Variants in TTN observed in about 807,000 individuals in gnomAD.
TTN encodes titin.
In TTN, 1,525 loss-of-function variants were observed where a neutral mutation model predicts 3,223.0. The observed-to-expected ratio is 0.47, with a 90% CI of 0.45 to 0.49. The LOEUF (loss-of-function observed/expected upper bound fraction) is 0.49, where lower values mean the gene tolerates loss of function less well. Ranked by LOEUF, TTN falls within the 20% of genes least tolerant of loss-of-function variation. TTN has a pLI of 0.00. For missense variants in TTN, 40,786 were observed against 43,424.0 expected, an observed-to-expected ratio of 0.94 and a Z score of 5.40; for synonymous variants, 14,094 against 15,161.0, an observed-to-expected ratio of 0.93 and a Z score of 5.17.
At position 178,588,657 on chromosome 2, in the gene TTN, A is replaced by T. The variant is rs754385637; in HGVS notation, c.63068T>A (p.Met21023Lys). The T allele has an allele frequency of 7.4e-6, 12 of 1,611,520 alleles. No homozygotes were observed. In the South Asian group the frequency reaches 1.1e-4, roughly 15 times the overall value. The change falls in exon 304 of 363, where the codon ATG becomes AAG. Residue 21023 changes from methionine (M) to lysine (K), a missense_variant. Physicochemically the swap from Met to Lys is moderately conservative, Grantham distance 95. Coordinates refer to ENST00000589042, the MANE Select transcript of TTN (RefSeq NM_001267550.2). Reference protein sequence around the residue: ...VNKSAIPERRMKVQNLLPDHE... With the variant: ...VNKSAIPERRKKVQNLLPDHE... ...GTCTGGGAGGAGATTCTGTACTTTCATACGTCTCTCAGGGATTGCACTCTT... is the reference window on the plus strand; with the variant it reads ...GTCTGGGAGGAGATTCTGTACTTTCTTACGTCTCTCAGGGATTGCACTCTT...
chr2:178,542,521 A>G lies in TTN; in HGVS notation c.97235T>C (p.Ile32412Thr), dbSNP rs761246419. ...GGAAATGGTAATTGATGTAGCATCAATTTCATCAATCTTAATAGGTCCTGT... is the reference window on the plus strand; with the variant it reads ...GGAAATGGTAATTGATGTAGCATCAGTTTCATCAATCTTAATAGGTCCTGT... ...PPTGPIKIDE[I>T]DATSITISWE... The change falls in exon 349 of 363, where the codon ATT (isoleucine) becomes ACT (threonine). Residue 32412 changes from isoleucine to threonine, a missense_variant. Transcript: ENST00000589042. 21 of 1,611,076 alleles carry G rather than the reference A, an allele frequency of 1.3e-5. No individual in the cohort carries two copies. The highest frequency in any genetic ancestry group is 1.0e-4 in the Admixed American group (6 of 59,962).
chr2:178,790,636 A>C, intron 11 of TTN, 72 bp downstream of exon 11: 1 of 1,609,454 alleles, frequency 6.2e-7, no homozygotes, highest in South Asian at 1.1e-5. Flanking sequence ...ATTAAGATCC[A>C]TGATGAAAAT....
rs770081431 is a variant in TTN, at chr2:178,551,224, C to A, written c.91307G>T (p.Arg30436Leu). ...GTTCCATTTAAGTGTGATGGTTTCC[C>A]GGGTGACATCAATGTAGTCAGGAGT... ...PGTPDYIDVT[R>L]ETITLKWNPP... Residue 30436 changes from arginine to leucine, a missense_variant, in exon 336 of 363, where the codon CGG (arginine) becomes CTG (leucine). Coordinates refer to ENST00000589042, the MANE Select transcript of TTN (RefSeq NM_001267550.2). 1 of 1,613,158 alleles carries A rather than the reference C, an allele frequency of 6.2e-7. No individual in the cohort carries two copies. The highest frequency in any genetic ancestry group is 1.1e-5 in the South Asian group (1 of 91,052).
rs1280168103 is a variant in TTN, at chr2:178,727,155, T to G, written c.20210A>C (p.Asp6737Ala). The part of the protein sequence containing the change: ...MNNLSTEDSG[D>A]FICEAQNPAG... ...GGGATTCTGAGCCTCACAAATGAAA[T>G]CTCCACTGTCCTCAGTACTGAGATT... Residue 6737 changes from aspartate to alanine, a missense_variant, in exon 69 of 363, where the codon GAT becomes GCT. By Grantham distance (126) the Asp-to-Ala change is moderately radical. Coordinates refer to ENST00000589042, the MANE Select transcript of TTN (RefSeq NM_001267550.2). 2.5e-6 allele frequency: 4 copies of G among 1,606,502 alleles called. No individual in the cohort carries two copies. The South Asian group carries it at 4.5e-5, about 18-fold the overall frequency.
intron 131 of TTN, 111 bp from the exon 132 acceptor site, chr2:178,684,524 A>G: frequency 7.3e-7 from 1 of 1,374,962 alleles, no homozygotes. Flanking sequence ...GCACACACAC[A>G]AAAACATCAC....
At chr2:178,731,271 T>A in intron 59 of TTN, 34 bp downstream of exon 59, 1 of 1,611,532 alleles carries the variant, frequency 6.2e-7, no homozygotes. Context: ...TCTGCATTTC[T>A]TCCTCAAACC....
chr2:178,748,582 T>C (rs1434689380), intron 47 of TTN: 4 of 1,612,992 alleles, frequency 2.5e-6, no homozygotes, highest in Non-Finnish European at 3.4e-6. Flanking sequence ...CAGCAGGATG[T>C]TGGATTTTAA....
chr2:178,719,457 T>G lies in TTN; in HGVS notation c.23939-6A>C, dbSNP rs1314982500. ...GGAAGGAGGCACAATCCGATCTATG[T>G]GGGGAAGGGTAGTTTTGCGTTTAAA... On this transcript the variant is annotated splice_polypyrimidine_tract_variant and splice_region_variant and intron_variant, in intron 82 of 362. Transcript: ENST00000589042. 1 of 1,606,844 alleles carries G rather than the reference T, an allele frequency of 6.2e-7. No individual in the cohort carries two copies. The highest frequency in any genetic ancestry group is 1.3e-5 in the African/African-American group (1 of 74,600).
Position 178,740,149 on chromosome 2 carries a change from C to T in TTN, c.13084G>A (p.Glu4362Lys), listed in dbSNP as rs761568803. The T allele has an allele frequency of 6.2e-7, 1 of 1,613,738 alleles. No homozygotes were observed. The highest frequency in any genetic ancestry group is 1.1e-5 in the South Asian group (1 of 91,054). ...TGCACTTTCTTTATTGCCACGGGCT[C>T]TCTTTTAGACTCAATGATTTGGTCT... is the stretch of plus-strand genomic sequence containing the variant. ...PPDQIIESKR[E>K]PVAIKKVQEV... The change falls in exon 48 of 363, where the codon GAG becomes AAG. Residue 4362 changes from glutamate (E) to lysine (K), a missense_variant. Coordinates refer to ENST00000589042, the MANE Select transcript of TTN (RefSeq NM_001267550.2).
At position 178,792,177 on chromosome 2, in the gene TTN, T is replaced by A; in HGVS notation, c.1557A>T (p.Lys519Asn). 1 of 1,607,632 alleles carries A rather than the reference T, an allele frequency of 6.2e-7. No individual in the cohort carries two copies. The highest frequency in any genetic ancestry group is 8.5e-7 in the Non-Finnish European group (1 of 1,178,500). Residue 519 changes from lysine to asparagine, a missense_variant, in exon 10 of 363, where the codon AAA becomes AAT. Physicochemically the swap from Lys to Asn is moderately conservative, Grantham distance 94. Coordinates refer to ENST00000589042, the MANE Select transcript of TTN (RefSeq NM_001267550.2). The stretch of plus-strand genomic sequence containing the variant: ...AAATTACTACCTTTGGTACAAATGT[T>A]TTTTCAGTTTCTTTTCTTATCTGCA... ...THEQIRKETE[K>N]TFVPKVVISA...
intron 330 of TTN, 194 bp from the exon 331 acceptor site, chr2:178,555,346 C>T (rs1393753082): frequency 5.2e-6 from 3 of 577,488 alleles, no homozygotes; most frequent in Admixed American, 3.5e-5. Context: ...GGTAGAAAGA[C>T]TGTGAGTTGT....
Position 178,719,397 on chromosome 2 carries a change from A to T in TTN, c.23993T>A (p.Leu7998Gln), listed in dbSNP as rs1188351264. 1.2e-6 allele frequency: 2 copies of T among 1,613,674 alleles called. No individual in the cohort carries two copies. The highest frequency in any genetic ancestry group is 2.2e-5 in the East Asian group (1 of 44,856). The change falls in exon 83 of 363, where the codon CTG becomes CAG. Residue 7998 changes from leucine (L) to glutamine (Q), a missense_variant. Physicochemically the swap from Leu to Gln is moderately radical, Grantham distance 113. Transcript: ENST00000589042. ...IRKLKDVNAILGASVVLECRV... is the reference protein window; with the variant it reads ...IRKLKDVNAIQGASVVLECRV... Reference sequence around the variant, plus strand: ...GCACTCCAAAACAACTGAGGCCCCCAGGATGGCATTCACGTCTTTCAGCTT... The same window carrying T: ...GCACTCCAAAACAACTGAGGCCCCCTGGATGGCATTCACGTCTTTCAGCTT...
chr2:178,799,408 G>T, intron 6 of TTN, 79 bp downstream of exon 6: 10 of 1,607,076 alleles, frequency 6.2e-6, no homozygotes, highest in Non-Finnish European at 8.5e-6. Context: ...TGCCCTGCGA[G>T]GGGGACAAGG....
intron 10 of TTN, among the ~76,000 whole-genome samples, chr2:178,791,697 G>A (rs980708919): frequency 1.3e-5 from 2 of 150,962 alleles, no homozygotes; most frequent in East Asian, 3.9e-4. Flanking sequence ...GTGCATGTGT[G>A]TGTGCATGTA....
rs1007542008 is a variant in TTN at position 178,794,158 on chromosome 2, C to T, written c.1398+241G>A. The stretch of plus-strand genomic sequence containing the variant: ...GAATACCATAGTTGACTTTTGCCTG[C>T]TCATATAGCCCAGGTATTTCTGGCC... On this transcript the variant is annotated intron_variant, in intron 8 of 362. Transcript: ENST00000589042. Among the ~76,000 whole-genome samples, 3 of 148,184 alleles carry T rather than the reference C, an allele frequency of 2.0e-5. No homozygotes were observed. In the South Asian group the frequency reaches 6.7e-4, roughly 33 times the overall value.
intron 221 of TTN, 77 bp from the exon 222 acceptor site, chr2:178,640,187 C>T: frequency 6.1e-6 from 8 of 1,313,468 alleles, no homozygotes; most frequent in South Asian, 3.9e-5. Flanking sequence ...TAAAATTAAG[C>T]CCACGTATCT....
intron 217 of TTN, chr2:178,645,678 A>G: frequency 9.6e-6 from 3 of 311,508 alleles, no homozygotes; most frequent in Non-Finnish European, 1.2e-5. Context: ...CAGTGCCTGC[A>G]TTCAGATATC....
rs760656457 is a variant in TTN, at chr2:178,706,509, C to T, written c.29365G>A (p.Asp9789Asn). The stretch of plus-strand genomic sequence containing the variant: ...ATTTTCTCTTGTTTCTTCCTTTCAT[C>T]CACCTGTAAGTTAACATTACTTTCA... ...EIESNVNLQV[D>N]ERKKQEKIEG... Residue 9789 changes from aspartate (D) to asparagine (N), a missense_variant, in exon 102 of 363, where the codon GAT (aspartate) becomes AAT (asparagine). Physicochemically the swap from Asp to Asn is conservative, Grantham distance 23 (BLOSUM62 1). Coordinates refer to ENST00000589042, the MANE Select transcript of TTN (RefSeq NM_001267550.2). The T allele has an allele frequency of 3.7e-6, 6 of 1,613,818 alleles. No homozygotes were observed. Among genetic ancestry groups the T allele is most frequent in the Non-Finnish European group, 2.5e-6 (3 of 1,179,808 alleles).
In TTN at chr2:178,551,830, G is replaced by A. The variant is rs754537852; in HGVS notation, c.91070C>T (p.Thr30357Ile). The A allele has an allele frequency of 1.9e-6, 3 of 1,613,844 alleles. No homozygotes were observed. Among genetic ancestry groups the A allele is most frequent in the South Asian group, 2.2e-5 (2 of 91,072 alleles). The change falls in exon 335 of 363, where the codon ACT (threonine) becomes ATT (isoleucine). Residue 30357 changes from threonine to isoleucine, a missense_variant. Physicochemically the swap from Thr to Ile is moderately conservative, Grantham distance 89. Transcript: ENST00000589042. ...APVYDGGSEV[T>I]GFHVEKKERN... is the part of the protein sequence containing the mutation. ...TTCTTTCTTTTCAACATGGAATCCA[G>A]TAACTTCTGAACCACCATCATAAAC...
Sources: allele counts gnomAD v4.1 joint callset (sites outside exome capture counted in the v4.1 genomes callset), GRCh38; gene constraint gnomAD v4.1.1; transcripts MANE v1.5; gene names NCBI Gene and HGNC (gene_info 2026-07-23, HGNC 2026-07-21).